GULP1: variants seen among roughly 807,000 people sequenced by gnomAD.
GULP1 encodes the protein GULP PTB domain containing engulfment adaptor 1.
A neutral mutation model predicts 40.9 loss-of-function variants in GULP1; 19 were observed. The observed-to-expected ratio is 0.46, with a 90% CI of 0.32 to 0.68. The LOEUF (loss-of-function observed/expected upper bound fraction) is 0.68. Among genes scored for constraint, GULP1 ranks in the 30% least tolerant of loss-of-function variants. The pLI is 0.03. For missense variants in GULP1, 312 were observed against 362.2 expected (o/e 0.86, Z 1.12); for synonymous variants, 119 against 117.6 (o/e 1.01, Z -0.08).
Position 188,569,273 on chromosome 2 carries a change from T to C in GULP1, c.434T>C (p.Phe145Ser). ...ATCACTTTAACAATTGGCCAAGCAT[T>C]TGACCTGGCATACAGGAAATTTCTA... Reference protein sequence around the residue: ...EEITLTIGQAFDLAYRKFLES... With the variant: ...EEITLTIGQASDLAYRKFLES... The change falls in exon 8 of 12, where the codon TTT becomes TCT. Residue 145 changes from phenylalanine (F) to serine (S), a missense_variant. Phe to Ser is a radical substitution (Grantham distance 155, BLOSUM62 -2). Coordinates refer to ENST00000409830, the MANE Select transcript of GULP1 (RefSeq NM_016315.4). The C allele has an allele frequency of 6.3e-7, 1 of 1,595,228 alleles. No individual in the cohort carries two copies. Among genetic ancestry groups the C allele is most frequent in the Non-Finnish European group, 8.6e-7 (1 of 1,163,014 alleles).
chr2:188,387,253 A>G (rs1030990641), intron 2 of GULP1, among the ~76,000 whole-genome samples: 2 of 152,154 alleles, frequency 1.3e-5, no homozygotes, highest in South Asian at 2.1e-4. Flanking sequence ...AAAATAAAGA[A>G]AAGTGTATAT....
intron 4 of GULP1, among the ~76,000 whole-genome samples, chr2:188,502,617 A>G (rs1024559042): frequency 1.3e-5 from 2 of 151,888 alleles, no homozygotes; most frequent in African/African-American, 4.8e-5. Context: ...AGGTCCCACA[A>G]TGTGTGACAC....
chr2:188,498,499 A>G (rs556621601), intron 4 of GULP1, among the ~76,000 whole-genome samples: 1 of 152,086 alleles, frequency 6.6e-6, no homozygotes, highest in South Asian at 2.1e-4. Context: ...AAGAGCTCTA[A>G]CAATTCCTGT....
intron 2 of GULP1, among the ~76,000 whole-genome samples, chr2:188,467,413 T>G (rs2060217154): frequency 6.6e-6 from 1 of 152,196 alleles, no homozygotes; most frequent in Admixed American, 6.5e-5. Flanking sequence ...TCCATAATTT[T>G]ATCAGTTATA....
At chr2:188,443,492 G>C (rs1044825072) in intron 2 of GULP1, among the ~76,000 whole-genome samples, 20 of 152,040 alleles carry the variant, frequency 1.3e-4, no homozygotes, top group Non-Finnish European at 2.5e-4. Context: ...AAAAAAAAGA[G>C]TTTAATGATT....
At chr2:188,512,696 C>T (rs1239140293) in intron 4 of GULP1, among the ~76,000 whole-genome samples, 1 of 152,070 alleles carries the variant, frequency 6.6e-6, no homozygotes, top group African/African-American at 2.4e-5. Flanking sequence ...AACTATTCAG[C>T]CTTTCAAGTG....
intron 2 of GULP1, among the ~76,000 whole-genome samples, chr2:188,420,537 A>G (rs2055255068): frequency 6.6e-6 from 1 of 152,198 alleles, no homozygotes; most frequent in African/African-American, 2.4e-5. Flanking sequence ...ACAGTTCAGC[A>G]AGTTCTGAGT....
intron 1 of GULP1, among the ~76,000 whole-genome samples, chr2:188,334,533 T>C (rs1162184596): frequency 3.9e-5 from 6 of 152,176 alleles, no homozygotes; most frequent in African/African-American, 1.4e-4. Context: ...AAGGAAGCCT[T>C]CTCAGGTTGA....
In GULP1 at chr2:188,303,763, C is replaced by G. The variant is rs1467493686; in HGVS notation, c.-172+11597C>G. Among the ~76,000 whole-genome samples the G allele has an allele frequency of 2.6e-5, 4 of 152,142 alleles. No individual in the cohort carries two copies. The East Asian group carries it at 7.7e-4, about 29-fold the overall frequency. On this transcript the variant is annotated intron_variant, in intron 1 of 11. Transcript: ENST00000409830. ...AGACCTCCTACATTACTGTGATTGA[C>G]TTGTGCATATTAGTTTTTTTGCATA...
intron 2 of GULP1, among the ~76,000 whole-genome samples, chr2:188,424,854 C>A (rs1157227303): frequency 6.6e-6 from 1 of 151,884 alleles, no homozygotes; most frequent in East Asian, 1.9e-4. Context: ...ATGATGGCAT[C>A]CCTGTAGTTT....
chr2:188,424,700 C>T (rs2055921763), intron 2 of GULP1, among the ~76,000 whole-genome samples: 1 of 151,812 alleles, frequency 6.6e-6, no homozygotes, highest in Non-Finnish European at 1.5e-5. Context: ...TCTAACATGT[C>T]TATAATTTTC....
intron 1 of GULP1, among the ~76,000 whole-genome samples, chr2:188,296,535 G>A (rs2034981938): frequency 6.6e-6 from 1 of 151,536 alleles, no homozygotes; most frequent in Admixed American, 6.6e-5. Flanking sequence ...TATAGTTATG[G>A]CGAATTTGAA....
intron 11 of GULP1, chr2:188,592,911 G>A (rs1209067412): frequency 6.6e-6 from 1 of 152,006 alleles, no homozygotes; most frequent in Non-Finnish European, 1.5e-5. Context: ...GTTTTCTTTA[G>A]GAATACACTG....
At chr2:188,499,492 C>G (rs2063228003) in intron 4 of GULP1, among the ~76,000 whole-genome samples, 1 of 151,492 alleles carries the variant, frequency 6.6e-6, no homozygotes, top group Non-Finnish European at 1.5e-5. Context: ...GCCTCTATAC[C>G]TTTGCAAAGT....
At chr2:188,433,963 G>T (rs1404400529) in intron 2 of GULP1, among the ~76,000 whole-genome samples, 1 of 151,344 alleles carries the variant, frequency 6.6e-6, no homozygotes, top group Non-Finnish European at 1.5e-5. Flanking sequence ...TAAACAATGG[G>T]GTCTGAGAGT....
intron 7 of GULP1, among the ~76,000 whole-genome samples, chr2:188,555,922 G>T (rs1313187975): frequency 6.6e-6 from 1 of 151,910 alleles, no homozygotes; most frequent in Admixed American, 6.6e-5. Flanking sequence ...GCCAGGCATG[G>T]TGGCACACAC....
At chr2:188,419,491 G>A (rs1173867199) in intron 2 of GULP1, among the ~76,000 whole-genome samples, 1 of 150,742 alleles carries the variant, frequency 6.6e-6, no homozygotes, top group Non-Finnish European at 1.5e-5. Flanking sequence ...TTGGCCATTT[G>A]CATATCTTTT....
intron 2 of GULP1, among the ~76,000 whole-genome samples, chr2:188,397,161 G>A (rs891622596): frequency 6.6e-6 from 1 of 152,114 alleles, no homozygotes; most frequent in South Asian, 2.1e-4. Flanking sequence ...GAAAATTCAC[G>A]GTGTGATTAT....
At chr2:188,475,883 G>GA (rs969804748) in intron 2 of GULP1, among the ~76,000 whole-genome samples, 1 of 151,170 alleles carries the variant, frequency 6.6e-6, no homozygotes, top group African/African-American at 2.4e-5. Context: ...TAAGGGTTTT[G>GA]AAAAAAAAGA....
Sources: gnomAD v4.1 joint callset for allele counts (sites outside exome capture counted in the v4.1 genomes callset) on GRCh38, gnomAD v4.1.1 for gene constraint, MANE v1.5 for transcripts, NCBI Gene and HGNC (gene_info 2026-07-23, HGNC 2026-07-21) for gene names.